The following CDH12 variants were observed in gnomAD, a reference collection of about 807,000 sequenced individuals.
The protein encoded by CDH12 is cadherin-12.
CDH12 carries 41 observed loss-of-function variants against 74.1 expected under a neutral mutation model. The observed-to-expected ratio is 0.55, with a 90% CI of 0.43 to 0.72. The LOEUF (loss-of-function observed/expected upper bound fraction) is 0.72. Ranked by LOEUF, CDH12 falls within the 30% of genes least tolerant of loss-of-function variation. The pLI, the probability that CDH12 is intolerant of heterozygous loss-of-function variation, is 0.00. For missense variants in CDH12, 945 were observed against 977.2 expected (o/e 0.97, Z 0.44); for synonymous variants, 399 against 355.0 (o/e 1.12, Z -1.39).
intron 3 of CDH12, among the ~76,000 whole-genome samples, chr5:22,353,193 A>G (rs1740426333): frequency 6.6e-6 from 1 of 152,218 alleles, no homozygotes; most frequent in South Asian, 2.1e-4. Flanking sequence ...ATTCTAGAAA[A>G]ACAAAACCAC....
At chr5:21,930,530 G>A (rs777650744) in intron 6 of CDH12, among the ~76,000 whole-genome samples, 6 of 152,068 alleles carry the variant, frequency 3.9e-5, no homozygotes, top group Non-Finnish European at 4.4e-5. Context: ...ATACATAATA[G>A]GGTTGTCCTG....
intron 1 of CDH12, among the ~76,000 whole-genome samples, chr5:22,689,391 C>G (rs534535703): frequency 7.9e-5 from 12 of 151,986 alleles, no homozygotes; most frequent in African/African-American, 2.9e-4. Flanking sequence ...TTCTTAGAAC[C>G]CTTACAAGGA....
chr5:21,839,094 T>C (rs574810216), intron 8 of CDH12, among the ~76,000 whole-genome samples: 1 of 152,278 alleles, frequency 6.6e-6, no homozygotes, highest in African/African-American at 2.4e-5. Context: ...AGTCTCCCAA[T>C]CTGTCCTCCT....
At chr5:22,632,273 A>G (rs947952784) in intron 1 of CDH12, among the ~76,000 whole-genome samples, 7 of 152,194 alleles carry the variant, frequency 4.6e-5, no homozygotes, top group Non-Finnish European at 8.8e-5. Flanking sequence ...CAGAACAATG[A>G]GACATTTAAA....
At chr5:22,507,594 C>T (rs1736439641) in intron 1 of CDH12, among the ~76,000 whole-genome samples, 1 of 152,096 alleles carries the variant, frequency 6.6e-6, no homozygotes, top group Non-Finnish European at 1.5e-5. Context: ...CAAACAAAAT[C>T]TTTAGGTTTA....
chr5:21,813,299 T>C (rs1031775368), intron 9 of CDH12, among the ~76,000 whole-genome samples: 13 of 152,078 alleles, frequency 8.5e-5, no homozygotes, highest in South Asian at 4.2e-4. Flanking sequence ...ACAAACATGG[T>C]GAAACCCCTT....
At chr5:21,981,187 ACT>A (rs1369977155) in intron 5 of CDH12, among the ~76,000 whole-genome samples, 1 of 152,106 alleles carries the variant, frequency 6.6e-6, no homozygotes, top group African/African-American at 2.4e-5. Flanking sequence ...AAACTGTACC[ACT>A]GTTTATTCTC....
At chr5:22,301,309 C>A (rs1295342581) in intron 3 of CDH12, among the ~76,000 whole-genome samples, 1 of 152,148 alleles carries the variant, frequency 6.6e-6, no homozygotes, top group Non-Finnish European at 1.5e-5. Context: ...TTGTCAGGGG[C>A]ACACTATCCA....
At chr5:21,885,882 C>T (rs540937421) in intron 6 of CDH12, among the ~76,000 whole-genome samples, 2 of 152,156 alleles carry the variant, frequency 1.3e-5, no homozygotes, top group East Asian at 1.9e-4. Flanking sequence ...AGATGGGTAC[C>T]TCTGTTCTCT....
chr5:22,580,148 A>C (rs1402583360), intron 1 of CDH12: 1 of 267,452 alleles, frequency 3.7e-6, no homozygotes, highest in Non-Finnish European at 7.5e-6. Flanking sequence ...CCTGATGCTT[A>C]CTGACAAGGA....
At chr5:22,259,053 T>C (rs1381722533) in intron 3 of CDH12, among the ~76,000 whole-genome samples, 2 of 152,194 alleles carry the variant, frequency 1.3e-5, no homozygotes, top group Non-Finnish European at 2.9e-5. Context: ...AAATGTAAAA[T>C]TTTAATGTGT....
At position 22,434,023 on chromosome 5, in the gene CDH12, AT is replaced by A. The variant is rs1245171752; in HGVS notation, c.-427-28673del. ...TGATCACAGCTCATTTCTCGTGTAT[AT>A]TAGTATATCCAGCCCCCACACATGA... On this transcript the variant is annotated intron_variant, in intron 2 of 14. Coordinates refer to ENST00000382254, the MANE Select transcript of CDH12 (RefSeq NM_004061.5). 3.4e-4 allele frequency among the ~76,000 whole-genome samples: 51 copies of A among 152,140 alleles called. 1 individual carries two copies. Among genetic ancestry groups the A allele is most frequent in the Admixed American group, 3.2e-3 (48 of 15,238 alleles).
intron 2 of CDH12, among the ~76,000 whole-genome samples, chr5:22,454,482 C>CTT (rs536356847): frequency 2.8e-4 from 42 of 151,060 alleles, no homozygotes; most frequent in Non-Finnish European, 4.4e-4. Context: ...ACAGATTTTT[C>CTT]TTTTTTTTTG....
intron 5 of CDH12, among the ~76,000 whole-genome samples, chr5:22,017,784 A>C (rs1196077646): frequency 2.0e-5 from 3 of 147,938 alleles, no homozygotes; most frequent in Non-Finnish European, 3.0e-5. Context: ...TTTTTGAGAC[A>C]GTTTTGCTCT....
intron 4 of CDH12, among the ~76,000 whole-genome samples, chr5:22,132,908 A>G (rs972233492): frequency 6.6e-6 from 1 of 152,082 alleles, no homozygotes; most frequent in Non-Finnish European, 1.5e-5. Context: ...CGTGTTTTGC[A>G]CAGAGGCTTC....
At chr5:22,644,778 G>C (rs1458268415) in intron 1 of CDH12, among the ~76,000 whole-genome samples, 1 of 151,446 alleles carries the variant, frequency 6.6e-6, no homozygotes, top group East Asian at 1.9e-4. Flanking sequence ...CAAAGGACAG[G>C]GTGACTCTCT....
chr5:22,698,494 C>G, intron 1 of CDH12, among the ~76,000 whole-genome samples: 1 of 151,228 alleles, frequency 6.6e-6, no homozygotes. Flanking sequence ...GTCATTGAAG[C>G]TCGTTAAAGC....
chr5:22,064,127 G>T (rs1274082919), intron 5 of CDH12, among the ~76,000 whole-genome samples: 8 of 152,078 alleles, frequency 5.3e-5, no homozygotes, highest in African/African-American at 1.9e-4. Flanking sequence ...TTCTGTATTG[G>T]TGGGTGATAC....
intron 10 of CDH12, among the ~76,000 whole-genome samples, chr5:21,795,428 T>C (rs1358581774): frequency 1.3e-5 from 2 of 151,916 alleles, no homozygotes; most frequent in Non-Finnish European, 2.9e-5. Flanking sequence ...TAGTATTATA[T>C]AGGTCAAGTC....
Sources: allele counts gnomAD v4.1 joint callset (sites outside exome capture counted in the v4.1 genomes callset), GRCh38; gene constraint gnomAD v4.1.1; transcripts MANE v1.5; gene names NCBI Gene and HGNC (gene_info 2026-07-23, HGNC 2026-07-21).